ANO6: variants seen among roughly 807,000 people sequenced by gnomAD.
The protein encoded by ANO6 is anoctamin 6.
A neutral mutation model predicts 117.5 loss-of-function variants in ANO6; 106 were observed. The observed-to-expected ratio is 0.90, with a 90% CI of 0.77 to 1.06. The LOEUF (loss-of-function observed/expected upper bound fraction) is 1.06. ANO6 is among the 50% of genes least tolerant of loss of function. The pLI is 0.00. For synonymous variants in ANO6, 367 were observed against 385.1 expected, an observed-to-expected ratio of 0.95 and a Z score of 0.55; for missense variants, 955 against 1,121.1, an observed-to-expected ratio of 0.85 and a Z score of 2.12.
At chr12:45,313,075 T>C (rs1250704561) in intron 2 of ANO6, 1 of 152,120 alleles carries the variant, frequency 6.6e-6, no homozygotes, top group Non-Finnish European at 1.5e-5. Flanking sequence ...CTTAAGTGTT[T>C]TTAAAAAGCA....
chr12:45,422,242 A>G (rs2137705624), intron 18 of ANO6, among the ~76,000 whole-genome samples: 1 of 152,320 alleles, frequency 6.6e-6, no homozygotes, highest in African/African-American at 2.4e-5. Flanking sequence ...AAAAATTATA[A>G]CAAGCAGATA....
chr12:45,252,320 T>C (rs1006627006), intron 1 of ANO6, among the ~76,000 whole-genome samples: 2 of 152,200 alleles, frequency 1.3e-5, no homozygotes, highest in Non-Finnish European at 2.9e-5. Flanking sequence ...TTGAAGCTTC[T>C]CTCCTGGAGA....
intron 1 of ANO6, among the ~76,000 whole-genome samples, chr12:45,217,813 A>C (rs1947339179): frequency 6.6e-6 from 1 of 152,198 alleles, no homozygotes; most frequent in South Asian, 2.1e-4. Context: ...AGTTACAATA[A>C]AATTGACACA....
chr12:45,358,966 T>C (rs566666465), intron 8 of ANO6, among the ~76,000 whole-genome samples: 22 of 152,274 alleles, frequency 1.4e-4, no homozygotes, highest in Non-Finnish European at 2.9e-4. Context: ...GTATTTTTAG[T>C]AGAGATGGGG....
chr12:45,433,611 G>A (rs1174387392), downstream of ANO6, among the ~76,000 whole-genome samples: 2 of 152,228 alleles, frequency 1.3e-5, no homozygotes, highest in Non-Finnish European at 2.9e-5. Context: ...CTGTAGGCAA[G>A]AATGTGATCT....
chr12:45,276,948 C>T (rs1471820708), intron 1 of ANO6, among the ~76,000 whole-genome samples: 1 of 152,266 alleles, frequency 6.6e-6, no homozygotes, highest in East Asian at 1.9e-4. Context: ...AAACCAGCTG[C>T]ATCACCTTTT....
intron 12 of ANO6, among the ~76,000 whole-genome samples, chr12:45,392,899 A>G (rs906693726): frequency 1.3e-5 from 2 of 152,268 alleles, no homozygotes; most frequent in African/African-American, 4.8e-5. Context: ...AGAAACCAGC[A>G]GAAAAGCTGA....
chr12:45,231,354 A>G (rs1947571348), intron 1 of ANO6, among the ~76,000 whole-genome samples: 1 of 152,316 alleles, frequency 6.6e-6, no homozygotes, highest in South Asian at 2.1e-4. Context: ...GTCATTTTGT[A>G]TGCTTGAAAG....
At chr12:45,412,471 A>G (rs910287389) in intron 16 of ANO6, among the ~76,000 whole-genome samples, 66 of 152,224 alleles carry the variant, frequency 4.3e-4, no homozygotes, top group African/African-American at 1.3e-3. Context: ...AAGATCAGCT[A>G]TTCTTCAGCA....
chr12:45,366,274 A>T (rs1404861262), intron 8 of ANO6, among the ~76,000 whole-genome samples: 1 of 151,986 alleles, frequency 6.6e-6, no homozygotes, highest in Non-Finnish European at 1.5e-5. Context: ...AAATATCTTG[A>T]ATGTATCAAT....
intron 1 of ANO6, among the ~76,000 whole-genome samples, chr12:45,233,478 T>A (rs763970350): frequency 4.6e-5 from 7 of 152,200 alleles, no homozygotes; most frequent in Non-Finnish European, 1.0e-4. Flanking sequence ...TATATCTGTA[T>A]TATTGTTATA....
chr12:45,364,824 A>G (rs190585411), intron 8 of ANO6, among the ~76,000 whole-genome samples: 45 of 152,346 alleles, frequency 3.0e-4, no homozygotes, highest in Middle Eastern at 6.8e-3. Context: ...TGTTAGGACC[A>G]TAGTTTTCCA....
chr12:45,222,806 C>T (rs1216874402), intron 1 of ANO6, among the ~76,000 whole-genome samples: 1 of 152,202 alleles, frequency 6.6e-6, no homozygotes, highest in East Asian at 1.9e-4. Context: ...TGCCCCATAC[C>T]CTGGAGGAAG....
chr12:45,423,072 G>C lies in ANO6; in HGVS notation c.2526+10G>C, dbSNP rs376621736. On this transcript the variant is annotated intron_variant, in intron 19 of 19. Coordinates refer to ENST00000320560, the MANE Select transcript of ANO6 (RefSeq NM_001025356.3). ...TATCATTGTCATGGAGGTAGGAAAA[G>C]TATGCTTTCAAACAGTTTATAAGGA... 8.2e-5 allele frequency: 130 copies of C among 1,593,514 alleles called. No homozygotes were observed. The Middle Eastern group carries it at 1.2e-3, about 14-fold the overall frequency.
At position 45,244,979 on chromosome 12, in the gene ANO6, A is replaced by G. The variant is rs140220031; in HGVS notation, c.70+28588A>G. On this transcript the variant is annotated intron_variant, in intron 1 of 19. Coordinates refer to ENST00000320560, the MANE Select transcript of ANO6 (RefSeq NM_001025356.3). ...AGCTTCAAGAGCTAGTATTGCTCTC[A>G]GGCACCATGGAAGGGACCCCTTAAC... 2.4e-4 allele frequency among the ~76,000 whole-genome samples: 37 copies of G among 152,332 alleles called. No homozygotes were observed. In the East Asian group the frequency reaches 6.7e-3, roughly 28 times the overall value.
intron 1 of ANO6, among the ~76,000 whole-genome samples, chr12:45,281,070 A>G (rs1398691597): frequency 6.6e-6 from 1 of 151,930 alleles, no homozygotes; most frequent in Admixed American, 6.6e-5. Flanking sequence ...GTATGTGTAT[A>G]TGTGTGTGTG....
chr12:45,416,064 C>T (rs1339458777), intron 16 of ANO6, among the ~76,000 whole-genome samples: 2 of 152,152 alleles, frequency 1.3e-5, no homozygotes, highest in Admixed American at 6.5e-5. Context: ...CTTATTATGA[C>T]CACAAGGACT....
rs1321429292 is a variant in ANO6 at position 45,263,131 on chromosome 12, C to CT, written c.71-38882dup. Reference sequence around the variant, plus strand: ...GAGATTTGTAGGTATAAATATTTGTCTATATTTCACATTATTTTGTGAAGT... The same window carrying CT: ...GAGATTTGTAGGTATAAATATTTGTCTTATATTTCACATTATTTTGTGAAGT... On this transcript the variant is annotated intron_variant, in intron 1 of 19. Coordinates refer to ENST00000320560, the MANE Select transcript of ANO6 (RefSeq NM_001025356.3). 4.6e-5 allele frequency among the ~76,000 whole-genome samples: 7 copies of CT among 151,932 alleles called. 1 individual carries two copies. Among genetic ancestry groups the CT allele is most frequent in the East Asian group, 3.9e-4 (2 of 5,180 alleles).
At chr12:45,371,487 G>T (rs916904852) in intron 9 of ANO6, among the ~76,000 whole-genome samples, 1 of 151,732 alleles carries the variant, frequency 6.6e-6, no homozygotes, top group Non-Finnish European at 1.5e-5. Context: ...GAGAGCAGTG[G>T]TTCTCCCAGC....
Sources: gnomAD v4.1 joint callset for allele counts (sites outside exome capture counted in the v4.1 genomes callset) on GRCh38, gnomAD v4.1.1 for gene constraint, MANE v1.5 for transcripts, NCBI Gene and HGNC (gene_info 2026-07-23, HGNC 2026-07-21) for gene names.